SNX25: variants seen among roughly 807,000 people sequenced by gnomAD.
SNX25 encodes sorting nexin-25.
Under a neutral mutation model 113.7 loss-of-function variants are expected in SNX25, and 62 were observed. That is an observed-to-expected ratio of 0.55 (90% confidence interval 0.44 to 0.67). The LOEUF is 0.67. Among genes scored for constraint, SNX25 ranks in the 30% least tolerant of loss-of-function variants. SNX25 has a pLI of 0.00. For synonymous variants in SNX25, 421 were observed against 436.2 expected (o/e 0.97, Z 0.43); for missense variants, 1,014 against 1,161.0 (o/e 0.87, Z 1.84).
chr4:185,332,532 C>T, intron 9 of SNX25, 63 bp from the exon 10 acceptor site: 1 of 1,443,832 alleles, frequency 6.9e-7, no homozygotes. Flanking sequence ...GGTATCGTGA[C>T]CGATAATAAT....
At chr4:185,302,107 T>G (rs540683558) in intron 6 of SNX25, among the ~76,000 whole-genome samples, 8 of 150,178 alleles carry the variant, frequency 5.3e-5, no homozygotes, top group South Asian at 2.1e-4. Flanking sequence ...TTTGTTTTTT[T>G]TTTTTTTTAG....
chr4:185,299,495 G>A (rs568624517), intron 6 of SNX25, among the ~76,000 whole-genome samples: 5 of 151,128 alleles, frequency 3.3e-5, no homozygotes, highest in East Asian at 1.9e-4. Context: ...TCTCGAGTGC[G>A]CCCCAGAGTT....
chr4:185,360,143 G>A (rs544047616), intron 16 of SNX25, among the ~76,000 whole-genome samples: 1 of 152,336 alleles, frequency 6.6e-6, no homozygotes, highest in East Asian at 1.9e-4. Context: ...TTTATTAAGA[G>A]TCGCTTCCTA....
In SNX25 at chr4:185,363,545, A is replaced by T; in HGVS notation, c.*80A>T. ...TTTTCCTCTTTTCCACAGAGGGCTTAACTGAGAACCGTATTGATTTTTATT... is the reference window on the plus strand; with the variant it reads ...TTTTCCTCTTTTCCACAGAGGGCTTTACTGAGAACCGTATTGATTTTTATT... On this transcript the variant is annotated 3_prime_UTR_variant, in exon 19 of 19. Transcript: ENST00000652585. This position sits in a 1 kb window ranked among gnomAD's most constrained non-coding sequence, Gnocchi z 4.2. 1 of 1,310,870 alleles carries T rather than the reference A, an allele frequency of 7.6e-7. No homozygotes were observed. Among genetic ancestry groups the T allele is most frequent in the South Asian group, 1.2e-5 (1 of 83,450 alleles). The allele number at this position is 1,310,870 out of a possible 1,614,324, so 81.2% of individuals were successfully genotyped here. A position where few individuals can be genotyped will look rare whatever the true frequency, so the allele number is the denominator to read the frequency against.
intron 14 of SNX25, 59 bp downstream of exon 14, chr4:185,351,668 T>A: frequency 6.4e-7 from 1 of 1,558,300 alleles, no homozygotes; most frequent in Non-Finnish European, 8.7e-7. Flanking sequence ...ACTAAGCTCA[T>A]GCTCCTCATG....
intron 15 of SNX25, among the ~76,000 whole-genome samples, chr4:185,354,119 C>G (rs898896891): frequency 6.6e-6 from 1 of 151,928 alleles, no homozygotes; most frequent in South Asian, 2.1e-4. Flanking sequence ...TCTGTCCTAA[C>G]GTAACATAGC....
At chr4:185,279,737 T>C (rs1037733963) in intron 5 of SNX25, among the ~76,000 whole-genome samples, 7 of 152,218 alleles carry the variant, frequency 4.6e-5, no homozygotes, top group Non-Finnish European at 1.0e-4. Context: ...GGGAGGAGTA[T>C]AAATTATTAC....
chr4:185,228,829 T>C (rs1741397091), intron 1 of SNX25, among the ~76,000 whole-genome samples: 1 of 152,220 alleles, frequency 6.6e-6, no homozygotes, highest in Admixed American at 6.5e-5. Flanking sequence ...TACATTCTCA[T>C]TGAACCTTCA....
chr4:185,271,619 A>G (rs1336249795), intron 5 of SNX25, among the ~76,000 whole-genome samples: 1 of 152,250 alleles, frequency 6.6e-6, no homozygotes, highest in East Asian at 1.9e-4. Flanking sequence ...GTACTCTGCT[A>G]TCTGACTTTA....
intron 1 of SNX25, among the ~76,000 whole-genome samples, chr4:185,213,295 T>C (rs1188372130): frequency 6.6e-6 from 1 of 152,192 alleles, no homozygotes. Flanking sequence ...CCTATGTACA[T>C]GGATTTTGAT....
intron 1 of SNX25, among the ~76,000 whole-genome samples, chr4:185,240,850 C>A (rs1487471837): frequency 4.0e-5 from 6 of 150,568 alleles, no homozygotes; most frequent in Admixed American, 3.3e-4. Flanking sequence ...ACGGGGCGGC[C>A]GGGCAGAGAC....
chr4:185,251,598 CGTGTGTGTGTGTGT>C (rs71593618), intron 2 of SNX25, among the ~76,000 whole-genome samples: 1,625 of 147,266 alleles, frequency 0.011, 19 homozygotes, highest in Non-Finnish European at 0.017. Flanking sequence ...TATTCCATTG[CGTGTGTGTGTGTGT>C]GTGTGTGTGT....
chr4:185,339,884 C>G (rs1254157157), intron 11 of SNX25, among the ~76,000 whole-genome samples: 2 of 152,150 alleles, frequency 1.3e-5, no homozygotes, highest in African/African-American at 4.8e-5. Flanking sequence ...TTTCATCCTG[C>G]CAACTTCAAT....
intron 1 of SNX25, among the ~76,000 whole-genome samples, chr4:185,230,014 G>A (rs114289287): frequency 0.011 from 1,664 of 152,140 alleles, 32 homozygotes; most frequent in African/African-American, 0.038. Context: ...ATTTTTAGTA[G>A]AGATGAGGTT....
chr4:185,274,177 C>T (rs544331125), intron 5 of SNX25, among the ~76,000 whole-genome samples: 1 of 151,962 alleles, frequency 6.6e-6, no homozygotes, highest in Non-Finnish European at 1.5e-5. Context: ...TCTTCTGCCT[C>T]AGCCTCCTGA....
chr4:185,356,528 T>G (rs919504884), intron 15 of SNX25, among the ~76,000 whole-genome samples: 3 of 152,232 alleles, frequency 2.0e-5, no homozygotes, highest in Admixed American at 1.3e-4. Context: ...TGACGTTTGA[T>G]TCCGACTCCA....
chr4:185,249,395 AC>A (rs955582723), intron 2 of SNX25, among the ~76,000 whole-genome samples: 2 of 151,932 alleles, frequency 1.3e-5, no homozygotes, highest in Non-Finnish European at 2.9e-5. Flanking sequence ...GATATTAAAC[AC>A]CTTTTCATGT....
chr4:185,256,624 CTTTTTTT>C (rs35160292), intron 2 of SNX25, among the ~76,000 whole-genome samples: 28 of 112,564 alleles, frequency 2.5e-4, no homozygotes, highest in African/African-American at 7.6e-4. Context: ...ACCTAAATTT[CTTTTTTT>C]TTTTTTTTTT....
At chr4:185,228,061 G>A (rs553756809) in intron 1 of SNX25, among the ~76,000 whole-genome samples, 19 of 152,250 alleles carry the variant, frequency 1.2e-4, no homozygotes, top group Non-Finnish European at 2.2e-4. Context: ...GGTGTGCCCC[G>A]GACTTGGCAA....
Sources: gnomAD v4.1 joint callset for allele counts (sites outside exome capture counted in the v4.1 genomes callset) on GRCh38, gnomAD v4.1.1 for gene constraint, Gnocchi (gnomAD v3.1) non-coding constraint, MANE v1.5 for transcripts, NCBI Gene and HGNC (gene_info 2026-07-23, HGNC 2026-07-21) for gene names.